Variants in KCNJ6 observed in about 807,000 individuals in gnomAD.
KCNJ6 encodes G protein-activated inward rectifier potassium channel 2.
A neutral mutation model predicts 34.2 loss-of-function variants in KCNJ6; 9 were observed. That is an observed-to-expected ratio of 0.26 (90% CI 0.16 to 0.46). KCNJ6 has a LOEUF of 0.46. KCNJ6 is among the 20% of genes least tolerant of loss of function. The pLI, the probability that KCNJ6 is intolerant of heterozygous loss-of-function variation, is 1.00. For synonymous variants in KCNJ6, 196 were observed against 207.1 expected, an observed-to-expected ratio of 0.95 and a Z score of 0.46; for missense variants, 236 against 531.3, an observed-to-expected ratio of 0.44 and a Z score of 5.46.
In KCNJ6 at chr21:37,609,604, C is replaced by T. The variant is rs2054235544; in HGVS notation, c.*15555G>A. 1 of 152,170 alleles carries T rather than the reference C, an allele frequency of 6.6e-6. No individual in the cohort carries two copies. 9.4% of individuals were successfully genotyped at this position (152,170 alleles called of 1,614,324 possible). ...TATGATTAATAATGAAAAGTGGCCA[C>T]TATTTTCCATTACTGGTATATAACT... On this transcript the variant is annotated 3_prime_UTR_variant, in exon 4 of 4. Transcript: ENST00000609713.
intron 2 of KCNJ6, among the ~76,000 whole-genome samples, chr21:37,766,169 G>A (rs1167139392): frequency 6.6e-6 from 1 of 152,160 alleles, no homozygotes; most frequent in African/African-American, 2.4e-5. Context: ...AGTACTGTAT[G>A]GTTCGGGAAA....
At chr21:37,660,145 G>T (rs994977152) in intron 3 of KCNJ6, among the ~76,000 whole-genome samples, 5 of 152,216 alleles carry the variant, frequency 3.3e-5, no homozygotes, top group Non-Finnish European at 7.3e-5. Context: ...AGACTCACGT[G>T]CAGAGCTCAC....
chr21:37,627,314 G>A lies in KCNJ6; in HGVS notation c.947-1830C>T, dbSNP rs148758218. Among the ~76,000 whole-genome samples the A allele has an allele frequency of 4.3e-3, 653 of 152,182 alleles. 8 individuals are homozygous for A. Among genetic ancestry groups the A allele is most frequent in the African/African-American group, 0.015 (610 of 41,500 alleles). ...TCCCTGAATGACCCACAGAAGCCCC[G>A]CCTTTATGCCTCTAAAACAAACATT... On this transcript the variant is annotated intron_variant, in intron 3 of 3. Transcript: ENST00000609713.
intron 3 of KCNJ6, among the ~76,000 whole-genome samples, chr21:37,630,048 G>A (rs1471395669): frequency 1.3e-5 from 2 of 151,784 alleles, no homozygotes; most frequent in Non-Finnish European, 2.9e-5. Flanking sequence ...TTAAAACTGT[G>A]ATGTTTTACT....
At chr21:37,646,778 C>A (rs2123382750) in intron 3 of KCNJ6, among the ~76,000 whole-genome samples, 1 of 151,834 alleles carries the variant, frequency 6.6e-6, no homozygotes, top group African/African-American at 2.4e-5. Context: ...TCACGGCATT[C>A]TCCTGCCTCA....
chr21:37,849,795 A>G (rs968067210), intron 1 of KCNJ6, among the ~76,000 whole-genome samples: 4 of 152,208 alleles, frequency 2.6e-5, no homozygotes, highest in African/African-American at 9.7e-5. Context: ...CATACTGTGG[A>G]TGTAGGACTT....
At position 37,714,097 on chromosome 21, in the gene KCNJ6, T is replaced by C; in HGVS notation, c.946+114A>G. 1 of 758,970 alleles carries C rather than the reference T, an allele frequency of 1.3e-6. No individual in the cohort carries two copies. The allele number at this position is 758,970 out of a possible 1,614,324, so 47.0% of individuals were successfully genotyped here. ...TACTATGTCATGAAGCAAGGGGATG[T>C]TGTCAATATTGAGTGAGGTTCAGTA... On this transcript the variant is annotated intron_variant, in intron 3 of 3. Transcript: ENST00000609713. This position sits in a 1 kb window ranked among gnomAD's most constrained non-coding sequence, Gnocchi z 5.9.
At chr21:37,645,365 TAA>T (rs2054399412) in intron 3 of KCNJ6, among the ~76,000 whole-genome samples, 1 of 152,012 alleles carries the variant, frequency 6.6e-6, no homozygotes. Context: ...ACTCTGTCTT[TAA>T]AAACAAACAA....
At chr21:37,848,756 T>C (rs952910900) in intron 1 of KCNJ6, among the ~76,000 whole-genome samples, 1 of 152,220 alleles carries the variant, frequency 6.6e-6, no homozygotes, top group African/African-American at 2.4e-5. Context: ...TGAAAGCATG[T>C]TGAGCACGTG....
intron 2 of KCNJ6, among the ~76,000 whole-genome samples, chr21:37,797,823 C>G (rs929326093): frequency 6.6e-6 from 1 of 152,144 alleles, no homozygotes; most frequent in Admixed American, 6.5e-5. Flanking sequence ...GCTATGGCAG[C>G]CTTCTTACCT....
chr21:37,804,025 G>A (rs9983351), intron 2 of KCNJ6, among the ~76,000 whole-genome samples: 75,352 of 151,932 alleles, frequency 0.5, 19,095 homozygotes, highest in Middle Eastern at 0.55. Context: ...TCTGCCCCCA[G>A]TTAAAAAAAT....
intron 1 of KCNJ6, among the ~76,000 whole-genome samples, chr21:37,897,898 C>T (rs1262631501): frequency 1.3e-5 from 2 of 152,252 alleles, no homozygotes; most frequent in Non-Finnish European, 2.9e-5. Flanking sequence ...GATCCAACCC[C>T]TATTTGCTAC....
chr21:37,766,660 A>G (rs781320119), intron 2 of KCNJ6, among the ~76,000 whole-genome samples: 7 of 152,168 alleles, frequency 4.6e-5, no homozygotes, highest in Non-Finnish European at 8.8e-5. Context: ...GATGGACTTT[A>G]CTGGCTTTGC....
At chr21:37,770,476 T>C (rs1158070692) in intron 2 of KCNJ6, among the ~76,000 whole-genome samples, 1 of 152,092 alleles carries the variant, frequency 6.6e-6, no homozygotes, top group Non-Finnish European at 1.5e-5. Flanking sequence ...CAACAGGAAA[T>C]TGGATTGCTA....
At chr21:37,766,994 T>C (rs990599404) in intron 2 of KCNJ6, among the ~76,000 whole-genome samples, 2 of 152,132 alleles carry the variant, frequency 1.3e-5, no homozygotes, top group African/African-American at 4.8e-5. Flanking sequence ...CCCTGATCTG[T>C]GGAAAAATTG....
intron 1 of KCNJ6, among the ~76,000 whole-genome samples, chr21:37,842,014 A>G (rs2055483357): frequency 6.6e-6 from 1 of 152,134 alleles, no homozygotes; most frequent in Non-Finnish European, 1.5e-5. Flanking sequence ...GTTGTACCTG[A>G]CAGTGTATAA....
intron 2 of KCNJ6, among the ~76,000 whole-genome samples, chr21:37,799,839 A>G (rs964203704): frequency 2.0e-5 from 3 of 152,198 alleles, no homozygotes; most frequent in Non-Finnish European, 4.4e-5. Context: ...GCACTGTTAC[A>G]ATAGATTTGT....
chr21:37,693,256 G>A (rs1282718006), intron 3 of KCNJ6, among the ~76,000 whole-genome samples: 3 of 86 alleles, frequency 0.035, no homozygotes, highest in Non-Finnish European at 0.06. Flanking sequence ...GCAATGTCTC[G>A]TTCAATGCCC....
At chr21:37,913,537 G>A (rs1003428229) in intron 1 of KCNJ6, among the ~76,000 whole-genome samples, 1 of 152,178 alleles carries the variant, frequency 6.6e-6, no homozygotes, top group Non-Finnish European at 1.5e-5. Flanking sequence ...GAATTTGGCT[G>A]GGCCGGATAC....
Sources: gnomAD v4.1 joint callset for allele counts (sites outside exome capture counted in the v4.1 genomes callset) on GRCh38, gnomAD v4.1.1 for gene constraint, Gnocchi (gnomAD v3.1) non-coding constraint, MANE v1.5 for transcripts, NCBI Gene and HGNC (gene_info 2026-07-23, HGNC 2026-07-21) for gene names.